The following KCNK3 variants were observed in gnomAD, a reference collection of about 807,000 sequenced individuals.
KCNK3 encodes potassium two pore domain channel subfamily K member 3.
In KCNK3, 9 loss-of-function variants were observed where a neutral mutation model predicts 27.3. That is an observed-to-expected ratio of 0.33 (90% confidence interval 0.20 to 0.57). The LOEUF (loss-of-function observed/expected upper bound fraction) is 0.57. Among genes scored for constraint, KCNK3 ranks in the 20% least tolerant of loss-of-function variants. KCNK3 has a pLI of 0.87. For synonymous variants in KCNK3, 278 were observed against 273.8 expected, an observed-to-expected ratio of 1.02 and a Z score of -0.15; for missense variants, 391 against 577.7, an observed-to-expected ratio of 0.68 and a Z score of 3.31.
rs1037145752 is a variant in KCNK3 at position 26,693,282 on chromosome 2, G to A, written c.283+124G>A. ...AGAGGGGCTGGGCGCCGAACCCTGC[G>A]CTCGCAGAAACCCGAGTTCAGCCTG... On this transcript the variant is annotated intron_variant, in intron 1 of 1. Coordinates refer to ENST00000302909, the MANE Select transcript of KCNK3 (RefSeq NM_002246.3). This position sits in a 1 kb window ranked among gnomAD's most constrained non-coding sequence, Gnocchi z 5.5. 1.0e-5 allele frequency: 10 copies of A among 983,342 alleles called. No homozygotes were observed. The African/African-American group carries it at 1.2e-4, about 12-fold the overall frequency. 60.9% of individuals were successfully genotyped at this position (983,342 alleles called of 1,614,324 possible).
chr2:26,713,779 A>G, intron 1 of KCNK3, among the ~76,000 whole-genome samples: 1 of 137,800 alleles, frequency 7.3e-6, no homozygotes, highest in African/African-American at 3.0e-5. Context: ...ATCCATCTCA[A>G]AAAAAAAAAA....
Position 26,728,888 on chromosome 2 carries a change from G to A in KCNK3, c.*320G>A, listed in dbSNP as rs968959140. On this transcript the variant is annotated 3_prime_UTR_variant, in exon 2 of 2. Coordinates refer to ENST00000302909, the MANE Select transcript of KCNK3 (RefSeq NM_002246.3). ...GAAGCTCCCAGTCCTCAGAGACCCT[G>A]CTGGTACCCAGACCCCCACCTTCGG... 3 of 301,784 alleles carry A rather than the reference G, an allele frequency of 9.9e-6. No individual in the cohort carries two copies. The highest frequency in any genetic ancestry group is 1.8e-5 in the Non-Finnish European group (3 of 164,638). The allele number at this position is 301,784 out of a possible 1,614,324, so 18.7% of individuals were successfully genotyped here.
chr2:26,722,145 C>T (rs1285930040), intron 1 of KCNK3, among the ~76,000 whole-genome samples: 3 of 152,210 alleles, frequency 2.0e-5, no homozygotes, highest in Non-Finnish European at 4.4e-5. Context: ...TGCACATGAA[C>T]ACATACATAG....
intron 1 of KCNK3, among the ~76,000 whole-genome samples, chr2:26,715,302 G>A (rs565636786): frequency 3.9e-5 from 6 of 152,316 alleles, no homozygotes; most frequent in Admixed American, 2.0e-4. Flanking sequence ...AGTGTACAGC[G>A]TCTGGAATAC....
In KCNK3 at chr2:26,729,590, C is replaced by G. The variant is rs1043179197; in HGVS notation, c.*1022C>G. 1 of 152,286 alleles carries G rather than the reference C, an allele frequency of 6.6e-6. No individual in the cohort carries two copies. The highest frequency in any genetic ancestry group is 2.4e-5 in the African/African-American group (1 of 41,412). 9.4% of individuals were successfully genotyped at this position (152,286 alleles called of 1,614,324 possible). A position where few individuals can be genotyped will look rare whatever the true frequency, so the allele number is the denominator to read the frequency against. On this transcript the variant is annotated 3_prime_UTR_variant, in exon 2 of 2. Coordinates refer to ENST00000302909, the MANE Select transcript of KCNK3 (RefSeq NM_002246.3). The stretch of plus-strand genomic sequence containing the variant: ...GTGGCTCACACCTGTATTCCCAACA[C>G]TTTTGGAGGCTGAGGTTGGAGGATT...
chr2:26,721,107 C>G lies in KCNK3; in HGVS notation c.284-6560C>G, dbSNP rs149273703. ...TAAGGGGTGGTTTCTCATCACCATCCCAGACCTCAGAGTCCTTCAGAACTG... is the reference window on the plus strand; with the variant it reads ...TAAGGGGTGGTTTCTCATCACCATCGCAGACCTCAGAGTCCTTCAGAACTG... On this transcript the variant is annotated intron_variant, in intron 1 of 1. Coordinates refer to ENST00000302909, the MANE Select transcript of KCNK3 (RefSeq NM_002246.3). This position sits in a 1 kb window ranked among gnomAD's most constrained non-coding sequence, Gnocchi z 4.3. Among the ~76,000 whole-genome samples the G allele has an allele frequency of 2.6e-5, 4 of 152,272 alleles. No homozygotes were observed. The highest frequency in any genetic ancestry group is 9.6e-5 in the African/African-American group (4 of 41,558).
At chr2:26,701,083 G>T (rs1670301950) in intron 1 of KCNK3, among the ~76,000 whole-genome samples, 1 of 152,246 alleles carries the variant, frequency 6.6e-6, no homozygotes. Context: ...GGACACTGAT[G>T]CTGTGGATCA....
At chr2:26,707,526 T>C (rs1459699669) in intron 1 of KCNK3, among the ~76,000 whole-genome samples, 1 of 152,226 alleles carries the variant, frequency 6.6e-6, no homozygotes, top group African/African-American at 2.4e-5. Flanking sequence ...ACCCACTGGA[T>C]CTTCTCAGGG....
At chr2:26,714,915 A>AAAAAATAAATAAATG (rs370313457) in intron 1 of KCNK3, among the ~76,000 whole-genome samples, 1 of 151,672 alleles carries the variant, frequency 6.6e-6, no homozygotes, top group Non-Finnish European at 1.5e-5. Context: ...ATAAATAAAT[A>AAAAAATAAATAAATG]AGGAGGGATG....
chr2:26,692,941 C>A lies in KCNK3; in HGVS notation c.66C>A (p.Gly22=). The A allele has an allele frequency of 6.5e-7, 1 of 1,548,462 alleles. No individual in the cohort carries two copies. The highest frequency in any genetic ancestry group is 8.7e-7 in the Non-Finnish European group (1 of 1,151,080). Residue 22 remains glycine, a synonymous_variant, in exon 1 of 2, where the codon GGC becomes GGA. Transcript: ENST00000302909. The surrounding 1 kb of genome is among the most constrained non-coding windows in gnomAD (Gnocchi z 5.6). ...IVCTFTYLLV[G]AAVFDALESE... ...GCACCTTCACCTACCTGCTGGTGGG[C>A]GCCGCGGTCTTCGACGCGCTGGAGT...
rs1262012941 is a variant in KCNK3, at chr2:26,729,299, C to T, written c.*731C>T. On this transcript the variant is annotated 3_prime_UTR_variant, in exon 2 of 2. Coordinates refer to ENST00000302909, the MANE Select transcript of KCNK3 (RefSeq NM_002246.3). ...CACATTCTCATAGCAGGTAGGACTT[C>T]AGCCTTCCAGACACTGCCCTTAGAA... is the stretch of plus-strand genomic sequence containing the variant. 6.6e-6 allele frequency: 1 copy of T among 152,312 alleles called. No homozygotes were observed. Among genetic ancestry groups the T allele is most frequent in the African/African-American group, 2.4e-5 (1 of 41,446 alleles). The allele number at this position is 152,312 out of a possible 1,614,324, so 9.4% of individuals were successfully genotyped here.
intron 1 of KCNK3, among the ~76,000 whole-genome samples, chr2:26,725,733 G>C (rs1392758036): frequency 6.6e-6 from 1 of 152,184 alleles, no homozygotes; most frequent in Non-Finnish European, 1.5e-5. Context: ...CTGGCCCGAC[G>C]CTGTGGAGGG....
At position 26,728,575 on chromosome 2, in the gene KCNK3, C is replaced by T. The variant is rs1243109913; in HGVS notation, c.*7C>T. 1.4e-6 allele frequency: 2 copies of T among 1,429,850 alleles called. No individual in the cohort carries two copies. Among genetic ancestry groups the T allele is most frequent in the Non-Finnish European group, 1.8e-6 (2 of 1,091,446 alleles). The allele number at this position is 1,429,850 out of a possible 1,614,324, so 88.6% of individuals were successfully genotyped here. A position where few individuals can be genotyped will look rare whatever the true frequency, so the allele number is the denominator to read the frequency against. The stretch of plus-strand genomic sequence containing the variant: ...GCGCAGGAGCTCCGTGTGACTGCCC[C>T]GAGGGGCCTGGAGCACCTGGGGGCG... On this transcript the variant is annotated 3_prime_UTR_variant, in exon 2 of 2. Transcript: ENST00000302909.
At chr2:26,722,359 G>A (rs1401000931) in intron 1 of KCNK3, among the ~76,000 whole-genome samples, 1 of 152,156 alleles carries the variant, frequency 6.6e-6, no homozygotes, top group Admixed American at 6.5e-5. Context: ...ATCAAATCTT[G>A]GTGCTCCCCA....
chr2:26,727,971 C>A lies in KCNK3; in HGVS notation c.588C>A (p.Thr196=). Residue 196 remains threonine (T), a synonymous_variant, in exon 2 of 2, where the codon ACC becomes ACA. Transcript: ENST00000302909. The part of the protein sequence containing the change: ...FFQAYYYCFI[T]LTTIGFGDYV... ...AGGCCTACTACTACTGCTTCATCAC[C>A]CTCACCACCATCGGCTTCGGCGACT... 1 of 1,614,258 alleles carries A rather than the reference C, an allele frequency of 6.2e-7. No individual in the cohort carries two copies. The highest frequency in any genetic ancestry group is 8.5e-7 in the Non-Finnish European group (1 of 1,180,040).
chr2:26,700,714 TTCA>T (rs911805750), intron 1 of KCNK3, among the ~76,000 whole-genome samples: 18 of 137,986 alleles, frequency 1.3e-4, no homozygotes, highest in Admixed American at 3.1e-4. Context: ...CTTCTCCCTC[TTCA>T]TCATCATCAT....
rs564529501 is a variant in KCNK3, at chr2:26,693,464, G to C, written c.283+306G>C. Among the ~76,000 whole-genome samples, 9 of 152,362 alleles carry C rather than the reference G, an allele frequency of 5.9e-5. No individual in the cohort carries two copies. Among genetic ancestry groups the C allele is most frequent in the Non-Finnish European group, 1.2e-4 (8 of 68,024 alleles). On this transcript the variant is annotated intron_variant, in intron 1 of 1. Coordinates refer to ENST00000302909, the MANE Select transcript of KCNK3 (RefSeq NM_002246.3). The surrounding 1 kb of genome is among the most constrained non-coding windows in gnomAD (Gnocchi z 5.5). ...AGAGGGGCAGGGACGACCGGCGGAGGCTCGGGCAGGAGGGGTGTGGCCGGG... is the reference window on the plus strand; with the variant it reads ...AGAGGGGCAGGGACGACCGGCGGAGCCTCGGGCAGGAGGGGTGTGGCCGGG...
At chr2:26,699,262 G>T (rs1033472174) in intron 1 of KCNK3, among the ~76,000 whole-genome samples, 3 of 130,898 alleles carry the variant, frequency 2.3e-5, no homozygotes, top group Admixed American at 7.4e-5. Context: ...AGCCAGCCAA[G>T]GAGAAAGGTA....
In KCNK3 at chr2:26,692,854, C is replaced by G. The variant is rs1169396444; in HGVS notation, c.-22C>G. 9.0e-6 allele frequency: 11 copies of G among 1,215,836 alleles called. No homozygotes were observed. In the African/African-American group the frequency reaches 1.1e-4, roughly 12 times the overall value. The allele number at this position is 1,215,836 out of a possible 1,614,324, so 75.3% of individuals were successfully genotyped here. A position where few individuals can be genotyped will look rare whatever the true frequency, so the allele number is the denominator to read the frequency against. ...GCGCGGGCCGGGGGCGCCGGGGGGC[C>G]GGCGGCGGCCCGGGCGGGACGATGA... On this transcript the variant is annotated 5_prime_UTR_variant, in exon 1 of 2. Transcript: ENST00000302909. This position sits in a 1 kb window ranked among gnomAD's most constrained non-coding sequence, Gnocchi z 5.6.
Sources: allele counts gnomAD v4.1 joint callset (sites outside exome capture counted in the v4.1 genomes callset), GRCh38; gene constraint gnomAD v4.1.1; non-coding constraint Gnocchi (gnomAD v3.1); transcripts MANE v1.5; gene names NCBI Gene and HGNC (gene_info 2026-07-23, HGNC 2026-07-21).